CDK19: variants seen among roughly 807,000 people sequenced by gnomAD.
CDK19 encodes cyclin-dependent kinase 19.
A neutral mutation model predicts 68.3 loss-of-function variants in CDK19; 20 were observed. The ratio of observed to expected loss-of-function variants is 0.29; its 90% CI spans 0.21 to 0.43. The LOEUF is 0.43. CDK19 is among the 20% of genes least tolerant of loss of function. CDK19 has a pLI of 1.00. For missense variants in CDK19, 339 were observed against 623.5 expected (o/e 0.54, Z 4.86); for synonymous variants, 221 against 222.8 (o/e 0.99, Z 0.07).
intron 2 of CDK19, among the ~76,000 whole-genome samples, chr6:110,709,350 C>G (rs535809095): frequency 7.9e-5 from 12 of 152,030 alleles, no homozygotes; most frequent in African/African-American, 2.4e-4. Flanking sequence ...GAAATAACAC[C>G]TATCGAGGGG....
chr6:110,714,570 TCCCTTTTGTTATTATTATTA>T (rs1234326156), intron 2 of CDK19, among the ~76,000 whole-genome samples: 1 of 152,124 alleles, frequency 6.6e-6, no homozygotes, highest in Non-Finnish European at 1.5e-5. Context: ...AGTTGTTATT[TCCCTTTTGTTATTATTATTA>T]CCATTCTAAT....
rs934252807 is a variant in CDK19, at chr6:110,613,897, T to C, written c.*638A>G. Reference sequence around the variant, plus strand: ...TTCTTCGTGGCATAAAGCACATAACTGCAAAGATCTAGGCAGTTTTTGGTT... The same window carrying C: ...TTCTTCGTGGCATAAAGCACATAACCGCAAAGATCTAGGCAGTTTTTGGTT... On this transcript the variant is annotated 3_prime_UTR_variant, in exon 13 of 13. Coordinates refer to ENST00000368911, the MANE Select transcript of CDK19 (RefSeq NM_015076.5). The C allele has an allele frequency of 2.6e-5, 4 of 152,664 alleles. No individual in the cohort carries two copies. Among genetic ancestry groups the C allele is most frequent in the Admixed American group, 2.6e-4 (4 of 15,284 alleles). 9.5% of individuals were successfully genotyped at this position (152,664 alleles called of 1,614,324 possible).
At chr6:110,765,705 GA>G (rs1779538906) in intron 1 of CDK19, among the ~76,000 whole-genome samples, 1 of 150,944 alleles carries the variant, frequency 6.6e-6, no homozygotes, top group African/African-American at 2.4e-5. Flanking sequence ...ACAAGGAGGG[GA>G]GGGGAAGGGA....
At chr6:110,763,414 G>GTTTT (rs1171650120) in intron 1 of CDK19, among the ~76,000 whole-genome samples, 44 of 120,004 alleles carry the variant, frequency 3.7e-4, no homozygotes, top group Non-Finnish European at 6.7e-4. Flanking sequence ...CTCTTATTAT[G>GTTTT]TTTTTTTTTT....
chr6:110,688,236 A>T (rs1772661722), intron 2 of CDK19, among the ~76,000 whole-genome samples: 1 of 152,194 alleles, frequency 6.6e-6, no homozygotes, highest in Non-Finnish European at 1.5e-5. Context: ...AAATAAAAAA[A>T]TTAGCCAGGC....
chr6:110,689,514 C>T (rs2114568925), intron 2 of CDK19, among the ~76,000 whole-genome samples: 1 of 152,330 alleles, frequency 6.6e-6, no homozygotes, highest in East Asian at 1.9e-4. Context: ...AAAGCATCTC[C>T]AGGTAGAATA....
intron 3 of CDK19, among the ~76,000 whole-genome samples, chr6:110,668,510 A>G (rs1782086444): frequency 6.6e-6 from 1 of 152,202 alleles, no homozygotes; most frequent in Non-Finnish European, 1.5e-5. Flanking sequence ...TGGGAGCCAC[A>G]TGTATAACTT....
chr6:110,683,493 T>C (rs545847073), intron 2 of CDK19, among the ~76,000 whole-genome samples: 1 of 152,214 alleles, frequency 6.6e-6, no homozygotes, highest in South Asian at 2.1e-4. Flanking sequence ...CACTTAGTAG[T>C]TTCTATAATA....
At chr6:110,646,771 T>G (rs1208328280) in intron 4 of CDK19, among the ~76,000 whole-genome samples, 1 of 152,134 alleles carries the variant, frequency 6.6e-6, no homozygotes, top group South Asian at 2.1e-4. Flanking sequence ...GGTTGAGTTC[T>G]GGCGTCTGAC....
intron 1 of CDK19, among the ~76,000 whole-genome samples, chr6:110,811,433 T>C (rs1259837911): frequency 6.6e-6 from 1 of 152,180 alleles, no homozygotes; most frequent in Non-Finnish European, 1.5e-5. Flanking sequence ...TTTGTATTTT[T>C]AGAAGAGACG....
chr6:110,682,539 T>A (rs1171013400), intron 2 of CDK19, among the ~76,000 whole-genome samples: 4 of 152,116 alleles, frequency 2.6e-5, no homozygotes, highest in Non-Finnish European at 5.9e-5. Context: ...GCACTCATAC[T>A]CTGAAAAGGG....
chr6:110,771,708 G>T (rs1451264416), intron 1 of CDK19, among the ~76,000 whole-genome samples: 1 of 152,116 alleles, frequency 6.6e-6, no homozygotes, highest in Non-Finnish European at 1.5e-5. Flanking sequence ...CTTATGCTCT[G>T]CTTCCCTTGT....
At chr6:110,781,708 T>C in intron 1 of CDK19, among the ~76,000 whole-genome samples, 1 of 151,842 alleles carries the variant, frequency 6.6e-6, no homozygotes, top group Non-Finnish European at 1.5e-5. Context: ...GCCAGGCGTG[T>C]TGCCACATCC....
intron 1 of CDK19, among the ~76,000 whole-genome samples, chr6:110,780,390 A>C (rs1364155624): frequency 1.7e-5 from 2 of 120,132 alleles, no homozygotes; most frequent in African/African-American, 3.8e-5. Flanking sequence ...CTCTGTCTCA[A>C]AAAAAAAAAA....
rs777331098 is a variant in CDK19, at chr6:110,621,227, G to A, written c.1254C>T (p.Gly418=). The A allele has an allele frequency of 1.2e-6, 2 of 1,613,296 alleles. No homozygotes were observed. Among genetic ancestry groups the A allele is most frequent in the Non-Finnish European group, 1.7e-6 (2 of 1,179,974 alleles). ...GGCTGTGCTGCAACCCTGCTCCGGT[G>A]CCCCCGACCCCGGCCCCAGCCCCAC... The part of the protein sequence containing the change: ...TAGGAGAGVG[G]TGAGLQHSQD... The change falls in exon 12 of 13, where the codon GGC becomes GGT. Residue 418 remains glycine (G), a synonymous_variant. Coordinates refer to ENST00000368911, the MANE Select transcript of CDK19 (RefSeq NM_015076.5). This position sits in a 1 kb window ranked among gnomAD's most constrained non-coding sequence, Gnocchi z 5.4.
At chr6:110,738,760 AAAAGC>A (rs1349426306) in intron 2 of CDK19, among the ~76,000 whole-genome samples, 2 of 152,214 alleles carry the variant, frequency 1.3e-5, no homozygotes, top group Admixed American at 6.5e-5. Context: ...ATAAATTTAA[AAAAGC>A]AAAGGTTTAT....
intron 4 of CDK19, 93 bp from the exon 5 acceptor site, chr6:110,638,799 T>C: frequency 2.7e-6 from 2 of 738,126 alleles, no homozygotes; most frequent in South Asian, 3.3e-5. Flanking sequence ...AAAAATCATT[T>C]CTGTATTTTC....
intron 1 of CDK19, among the ~76,000 whole-genome samples, chr6:110,772,353 T>C (rs1330640888): frequency 6.6e-6 from 1 of 151,946 alleles, no homozygotes; most frequent in African/African-American, 2.4e-5. Flanking sequence ...TTCACTACCA[T>C]GAGAGCAGTA....
intron 5 of CDK19, among the ~76,000 whole-genome samples, chr6:110,634,545 G>C (rs1562141849): frequency 6.6e-6 from 1 of 152,126 alleles, no homozygotes; most frequent in Non-Finnish European, 1.5e-5. Context: ...TTTGGATTTT[G>C]AATAATTTGT....
Sources: allele counts gnomAD v4.1 joint callset (sites outside exome capture counted in the v4.1 genomes callset), GRCh38; gene constraint gnomAD v4.1.1; non-coding constraint Gnocchi (gnomAD v3.1); transcripts MANE v1.5; gene names NCBI Gene and HGNC (gene_info 2026-07-23, HGNC 2026-07-21).